Variants in ADAM18 observed in about 807,000 individuals in gnomAD.
ADAM18 encodes the protein disintegrin and metalloproteinase domain-containing protein 18.
ADAM18 carries 117 observed loss-of-function variants against 94.4 expected under a neutral mutation model. The observed-to-expected ratio is 1.24, with a 90% CI of 1.07 to 1.45. The LOEUF is 1.45. ADAM18 is among the 40% of genes most tolerant of loss of function. The pLI, the probability that ADAM18 is intolerant of heterozygous loss-of-function variation, is 0.00. For synonymous variants in ADAM18, 327 were observed against 291.6 expected, an observed-to-expected ratio of 1.12 and a Z score of -1.24; for missense variants, 936 against 880.0, an observed-to-expected ratio of 1.06 and a Z score of -0.81.
chr8:39,611,896 AT>A (rs2129578536), intron 6 of ADAM18, among the ~76,000 whole-genome samples: 1 of 152,328 alleles, frequency 6.6e-6, no homozygotes, highest in African/African-American at 2.4e-5. Context: ...CAAAGCAAAC[AT>A]TTTTAACAGA....
intron 17 of ADAM18, 95 bp from the exon 18 acceptor site, chr8:39,706,695 C>A: frequency 1.8e-6 from 1 of 549,872 alleles, no homozygotes; most frequent in South Asian, 3.4e-5. Context: ...AATAATTATT[C>A]TATGAAATTT....
chr8:39,726,376 C>A (rs952670069), intron 19 of ADAM18, among the ~76,000 whole-genome samples: 1 of 151,922 alleles, frequency 6.6e-6, no homozygotes, highest in Non-Finnish European at 1.5e-5. Flanking sequence ...GTCCTCCCGC[C>A]TCAGCCTCTC....
intron 16 of ADAM18, among the ~76,000 whole-genome samples, chr8:39,681,626 A>G (rs1470457866): frequency 6.6e-6 from 1 of 152,202 alleles, no homozygotes; most frequent in Non-Finnish European, 1.5e-5. Context: ...TAGAACCAGG[A>G]AGTGGGTAGA....
intron 11 of ADAM18, among the ~76,000 whole-genome samples, chr8:39,647,112 A>G (rs1373785820): frequency 6.6e-6 from 1 of 151,972 alleles, no homozygotes; most frequent in Non-Finnish European, 1.5e-5. Context: ...GGCACTCAGT[A>G]TACCAAGGAC....
chr8:39,680,932 A>C (rs1217369781), intron 16 of ADAM18, among the ~76,000 whole-genome samples: 2 of 152,210 alleles, frequency 1.3e-5, no homozygotes, highest in Non-Finnish European at 2.9e-5. Context: ...GTCAATTGTT[A>C]TATCTGGTGT....
chr8:39,645,044 T>C (rs1172653726), intron 10 of ADAM18, among the ~76,000 whole-genome samples: 2 of 152,126 alleles, frequency 1.3e-5, no homozygotes, highest in Non-Finnish European at 2.9e-5. Context: ...ACTGATTCAA[T>C]GAGAAAGTGA....
At chr8:39,608,981 T>A (rs1279275274) in intron 3 of ADAM18, 61 bp from the exon 4 acceptor site, 1 of 952,012 alleles carries the variant, frequency 1.1e-6, no homozygotes, top group African/African-American at 1.7e-5. Flanking sequence ...ATGTAATATT[T>A]GTTTTTAACA....
At chr8:39,721,295 G>A (rs955828198) in intron 18 of ADAM18, among the ~76,000 whole-genome samples, 17 of 151,396 alleles carry the variant, frequency 1.1e-4, no homozygotes, top group Non-Finnish European at 2.1e-4. Context: ...TTAAATGTAA[G>A]ACTTGAAAGT....
chr8:39,658,793 T>C (rs938260822), intron 12 of ADAM18, among the ~76,000 whole-genome samples: 4 of 152,134 alleles, frequency 2.6e-5, no homozygotes, highest in African/African-American at 9.7e-5. Context: ...AAAATAACAC[T>C]GCATTAGGGA....
intron 16 of ADAM18, among the ~76,000 whole-genome samples, chr8:39,688,626 T>C (rs901280122): frequency 1.3e-5 from 2 of 152,234 alleles, no homozygotes; most frequent in Admixed American, 1.3e-4. Flanking sequence ...CTTTATCCAA[T>C]CTGTCATTGA....
chr8:39,645,118 A>G lies in ADAM18; in HGVS notation c.910-220A>G, dbSNP rs143752450. ...CAAAGCTATAGAATTTTGGCGTGCA[A>G]AATTTAAAACCAGAGACTATCATAG... On this transcript the variant is annotated intron_variant, in intron 10 of 19. Transcript: ENST00000265707. 6.0e-3 allele frequency among the ~76,000 whole-genome samples: 912 copies of G among 152,288 alleles called. 9 individuals are homozygous for G. The highest frequency in any genetic ancestry group is 0.021 in the African/African-American group (856 of 41,582).
intron 14 of ADAM18, among the ~76,000 whole-genome samples, chr8:39,670,751 G>A (rs143398013): frequency 1.3e-5 from 2 of 152,312 alleles, no homozygotes; most frequent in African/African-American, 4.8e-5. Context: ...AGAAAATCAA[G>A]GTAGTGAATA....
In ADAM18 at chr8:39,729,929, G is replaced by A. The variant is rs202233805; in HGVS notation, c.2209G>A (p.Val737Met). The A allele has an allele frequency of 1.1e-5, 18 of 1,613,074 alleles. No individual in the cohort carries two copies. The highest frequency in any genetic ancestry group is 8.3e-5 in the Admixed American group (5 of 60,008). Residue 737 changes from valine (V) to methionine (M), a missense_variant, in exon 20 of 20, where the codon GTG becomes ATG. Physicochemically the swap from Val to Met is conservative, Grantham distance 21. Coordinates refer to ENST00000265707, the MANE Select transcript of ADAM18 (RefSeq NM_014237.3). ...ATCCGTTGTATCAGAAAGCGATGAC[G>A]TGGGACATTAATATTGCACAGAACT... is the stretch of plus-strand genomic sequence containing the variant. ...NSSVVSESDDVGH is the reference protein window; with the variant it reads ...NSSVVSESDDMGH
At chr8:39,594,158 A>G (rs1818665291) in intron 2 of ADAM18, among the ~76,000 whole-genome samples, 1 of 152,158 alleles carries the variant, frequency 6.6e-6, no homozygotes, top group Non-Finnish European at 1.5e-5. Flanking sequence ...TGGTTACTTT[A>G]GATATTACAT....
chr8:39,690,498 T>C (rs1821742798), intron 16 of ADAM18, among the ~76,000 whole-genome samples: 1 of 152,168 alleles, frequency 6.6e-6, no homozygotes, highest in South Asian at 2.1e-4. Context: ...AATCTTCATA[T>C]GGCATATACA....
chr8:39,653,207 G>C (rs1820586072), intron 12 of ADAM18, among the ~76,000 whole-genome samples: 1 of 152,044 alleles, frequency 6.6e-6, no homozygotes, highest in African/African-American at 2.4e-5. Context: ...GTGTTAATTA[G>C]CTTGATTTAG....
intron 10 of ADAM18, among the ~76,000 whole-genome samples, chr8:39,638,989 T>A (rs910416651): frequency 3.3e-5 from 5 of 151,946 alleles, no homozygotes; most frequent in African/African-American, 1.2e-4. Context: ...TGAAAATTTG[T>A]ATATTGATAA....
At chr8:39,674,730 C>T (rs1304385729) in intron 14 of ADAM18, among the ~76,000 whole-genome samples, 2 of 152,128 alleles carry the variant, frequency 1.3e-5, no homozygotes, top group African/African-American at 4.8e-5. Context: ...ATGGTCTTTA[C>T]AATTTGGCCT....
chr8:39,652,941 C>T (rs961426607), intron 12 of ADAM18, among the ~76,000 whole-genome samples: 1 of 152,098 alleles, frequency 6.6e-6, no homozygotes, highest in African/African-American at 2.4e-5. Flanking sequence ...AAGACAAATA[C>T]ATCATCTTCT....
Sources: gnomAD v4.1 joint callset for allele counts (sites outside exome capture counted in the v4.1 genomes callset) on GRCh38, gnomAD v4.1.1 for gene constraint, MANE v1.5 for transcripts, NCBI Gene and HGNC (gene_info 2026-07-23, HGNC 2026-07-21) for gene names.